EVI5: variants seen among roughly 807,000 people sequenced by gnomAD.
EVI5 encodes ecotropic viral integration site 5.
In EVI5, 73 loss-of-function variants were observed where a neutral mutation model predicts 112.0. The observed-to-expected ratio is 0.65, with a 90% confidence interval of 0.54 to 0.79. The LOEUF (loss-of-function observed/expected upper bound fraction) is 0.79, where lower values mean the gene tolerates loss of function less well. Among genes scored for constraint, EVI5 ranks in the 30% least tolerant of loss-of-function variants. EVI5 has a pLI of 0.00. For synonymous variants in EVI5, 305 were observed against 319.9 expected, an observed-to-expected ratio of 0.95 and a Z score of 0.50; for missense variants, 900 against 968.8, an observed-to-expected ratio of 0.93 and a Z score of 0.94.
rs765568330 is a variant in EVI5, at chr1:92,568,582, C to A, written c.2071-4845G>T. On this transcript the variant is annotated intron_variant, in intron 18 of 19. Coordinates refer to ENST00000684568, the MANE Select transcript of EVI5 (RefSeq NM_001350197.2). ...TGTGCATCTAGAGTACTACCAGGTA[C>A]CATCCTTGGAAGAACTGAGAAAATA... is the stretch of plus-strand genomic sequence containing the variant. Among the ~76,000 whole-genome samples, 15 of 152,038 alleles carry A rather than the reference C, an allele frequency of 9.9e-5. No homozygotes were observed. In the South Asian group the frequency reaches 1.0e-3, roughly 11 times the overall value.
At chr1:92,521,428 C>T (rs540926532) in intron 19 of EVI5, among the ~76,000 whole-genome samples, 2 of 152,154 alleles carry the variant, frequency 1.3e-5, no homozygotes, top group Admixed American at 6.6e-5. Context: ...TTGTGGCTCA[C>T]GCCTGTAATC....
At chr1:92,675,966 AAAAAG>A in intron 10 of EVI5, among the ~76,000 whole-genome samples, 1 of 151,646 alleles carries the variant, frequency 6.6e-6, no homozygotes, top group African/African-American at 2.4e-5. Context: ...AAAAAAAAAA[AAAAAG>A]AAAAAGAAAA....
At position 92,666,006 on chromosome 1, in the gene EVI5, A is replaced by G; in HGVS notation, c.1159-14T>C. 2 of 1,584,050 alleles carry G rather than the reference A, an allele frequency of 1.3e-6. No homozygotes were observed. Among genetic ancestry groups the G allele is most frequent in the Non-Finnish European group, 1.7e-6 (2 of 1,167,290 alleles). The stretch of plus-strand genomic sequence containing the variant: ...TGTGCGTAACCTCTGCCAAGAAAAA[A>G]AAAGTTTTATTTGCAAGCATTTTTG... On this transcript the variant is annotated splice_polypyrimidine_tract_variant and intron_variant, in intron 10 of 19. Coordinates refer to ENST00000684568, the MANE Select transcript of EVI5 (RefSeq NM_001350197.2).
intron 5 of EVI5, among the ~76,000 whole-genome samples, chr1:92,699,332 C>A (rs1670777551): frequency 6.6e-6 from 1 of 152,196 alleles, no homozygotes. Flanking sequence ...CATTTCCAAT[C>A]TTTCCTAAAT....
intron 1 of EVI5, among the ~76,000 whole-genome samples, chr1:92,779,681 T>C (rs1423940888): frequency 6.6e-6 from 1 of 152,014 alleles, no homozygotes; most frequent in Non-Finnish European, 1.5e-5. Flanking sequence ...AGAAACAAGC[T>C]GAGGAGTCTC....
intron 19 of EVI5, among the ~76,000 whole-genome samples, chr1:92,548,597 C>T (rs535159589): frequency 6.6e-6 from 1 of 152,228 alleles, no homozygotes; most frequent in Admixed American, 6.5e-5. Context: ...TTAGAAAACC[C>T]CATCGTCTCA....
chr1:92,593,856 C>G (rs148328686), intron 18 of EVI5, among the ~76,000 whole-genome samples: 3,721 of 152,234 alleles, frequency 0.024, 170 homozygotes, highest in African/African-American at 0.085. Context: ...AGGAATCCAG[C>G]TTACAAGGGA....
intron 11 of EVI5, among the ~76,000 whole-genome samples, chr1:92,665,584 A>G (rs1193599300): frequency 2.0e-5 from 3 of 152,276 alleles, no homozygotes; most frequent in Non-Finnish European, 4.4e-5. Context: ...AATATGCTAG[A>G]AAGTCCAGGG....
In EVI5 at chr1:92,737,308, T is replaced by C. The variant is rs570771656; in HGVS notation, c.-81-681A>G. ...TGGCTTATTCAGAAATAGAATGGGATGCCTAGGAAAGAGTAGTACATTCTC... is the reference window on the plus strand; with the variant it reads ...TGGCTTATTCAGAAATAGAATGGGACGCCTAGGAAAGAGTAGTACATTCTC... On this transcript the variant is annotated intron_variant, in intron 1 of 19. Transcript: ENST00000684568. Among the ~76,000 whole-genome samples, 21 of 152,266 alleles carry C rather than the reference T, an allele frequency of 1.4e-4. No homozygotes were observed. In the East Asian group the frequency reaches 3.5e-3, roughly 25 times the overall value.
chr1:92,615,281 G>GA (rs550854063), intron 16 of EVI5, among the ~76,000 whole-genome samples: 38 of 152,256 alleles, frequency 2.5e-4, no homozygotes, highest in African/African-American at 8.4e-4. Context: ...ACAAATTGAT[G>GA]AAAGAAAATG....
Position 92,508,854 on chromosome 1 carries a change from C to T in EVI5, c.*4802G>A, listed in dbSNP as rs929355754. 3 of 152,416 alleles carry T rather than the reference C, an allele frequency of 2.0e-5. No individual in the cohort carries two copies. Among genetic ancestry groups the T allele is most frequent in the African/African-American group, 7.2e-5 (3 of 41,420 alleles). 9.4% of individuals were successfully genotyped at this position (152,416 alleles called of 1,614,324 possible). ...ACTGAATGTATTATTCTATCATCTC[C>T]TCTTTGGAGTAAAAAGAAGGGATAG... On this transcript the variant is annotated 3_prime_UTR_variant, in exon 20 of 20. Transcript: ENST00000684568.
At chr1:92,553,902 G>T (rs1401572966) in intron 19 of EVI5, among the ~76,000 whole-genome samples, 1 of 152,186 alleles carries the variant, frequency 6.6e-6, no homozygotes, top group East Asian at 1.9e-4. Flanking sequence ...CAAACAGAAT[G>T]CTTTTAACAG....
rs562844923 is a variant in EVI5, at chr1:92,581,080, A to G, written c.2071-17343T>C. ...TGTGCTATTTCTTTTCACCATGTTC[A>G]TGGCTAGGTGATTGTCCACATATTC... On this transcript the variant is annotated intron_variant, in intron 18 of 19. Transcript: ENST00000684568. Among the ~76,000 whole-genome samples, 3 of 152,330 alleles carry G rather than the reference A, an allele frequency of 2.0e-5. No homozygotes were observed. The South Asian group carries it at 6.2e-4, about 32-fold the overall frequency.
At chr1:92,786,803 C>T (rs557338003), upstream of EVI5, among the ~76,000 whole-genome samples, 5 of 152,330 alleles carry the variant, frequency 3.3e-5, no homozygotes, top group South Asian at 1.0e-3. Flanking sequence ...GGCCAGGTGC[C>T]TTGCCCACCT....
intron 1 of EVI5, among the ~76,000 whole-genome samples, chr1:92,737,154 T>C (rs933336492): frequency 6.6e-6 from 1 of 152,158 alleles, no homozygotes; most frequent in African/African-American, 2.4e-5. Flanking sequence ...AGTGAGGCCC[T>C]TGATTGATCT....
chr1:92,553,089 T>A (rs978038870), intron 19 of EVI5, among the ~76,000 whole-genome samples: 6 of 152,106 alleles, frequency 3.9e-5, no homozygotes, highest in Non-Finnish European at 8.8e-5. Flanking sequence ...AAAAGTGGTC[T>A]GAAAGTCTTG....
chr1:92,634,231 T>A (rs889511770), intron 14 of EVI5, among the ~76,000 whole-genome samples: 24 of 152,278 alleles, frequency 1.6e-4, no homozygotes, highest in South Asian at 1.5e-3. Flanking sequence ...TTGGCCTGCC[T>A]TGCTAGATTG....
At chr1:92,715,536 C>T (rs1471787143) in intron 2 of EVI5, among the ~76,000 whole-genome samples, 7 of 152,272 alleles carry the variant, frequency 4.6e-5, no homozygotes, top group African/African-American at 1.4e-4. Flanking sequence ...CAGCTCCCAG[C>T]GTGATCGACG....
At chr1:92,580,619 CT>C in intron 18 of EVI5, 1 of 166,848 alleles carries the variant, frequency 6.0e-6, no homozygotes, top group Non-Finnish European at 1.3e-5. Flanking sequence ...CCAAAACATG[CT>C]TTTTCAGTTG....
Sources: gnomAD v4.1 joint callset for allele counts (sites outside exome capture counted in the v4.1 genomes callset) on GRCh38, gnomAD v4.1.1 for gene constraint, MANE v1.5 for transcripts, NCBI Gene and HGNC (gene_info 2026-07-23, HGNC 2026-07-21) for gene names.